The following AZI2 variants were observed in gnomAD, a reference collection of about 807,000 sequenced individuals.
AZI2 encodes the protein 5-azacytidine induced 2.
Under a neutral mutation model 45.8 loss-of-function variants are expected in AZI2, and 22 were observed. The observed-to-expected ratio is 0.48, with a 90% confidence interval of 0.34 to 0.69. AZI2 has a LOEUF of 0.69. Among genes scored for constraint, AZI2 ranks in the 30% least tolerant of loss-of-function variants. The pLI is 0.01. For synonymous variants in AZI2, 137 were observed against 156.7 expected (o/e 0.87, Z 0.94); for missense variants, 417 against 441.5 (o/e 0.94, Z 0.50).
chr3:28,324,660 T>C, intron 7 of AZI2: 1 of 414,884 alleles, frequency 2.4e-6, no homozygotes, highest in Non-Finnish European at 4.2e-6. Context: ...TGACTTTAGA[T>C]ATTTGTCTCT....
At position 28,324,124 on chromosome 3, in the gene AZI2, TTA is replaced by T. The variant is rs965616632; in HGVS notation, c.1095_1096del (p.Lys366AsnfsTer2). ...GTTGGGTAAAGGCAAAGTTTTAGTT[TTA>T]GTTTCCCCAAATGCTGTCTCACTTG... On this transcript the variant is annotated frameshift_variant, in exon 8 of 8. Transcript: ENST00000479665. LOFTEE classifies it high-confidence loss of function. 1.2e-6 allele frequency: 2 copies of T among 1,610,392 alleles called. No individual in the cohort carries two copies. The highest frequency in any genetic ancestry group is 1.7e-6 in the Non-Finnish European group (2 of 1,177,554).
At chr3:28,340,285 T>C (rs1703960325) in intron 2 of AZI2, 117 bp downstream of exon 2, 1 of 700,644 alleles carries the variant, frequency 1.4e-6, no homozygotes, top group African/African-American at 1.8e-5. Flanking sequence ...TAGCAGTGAG[T>C]TATTCTTGGA....
chr3:28,338,870 A>C (rs897093835), intron 2 of AZI2, among the ~76,000 whole-genome samples: 8 of 152,200 alleles, frequency 5.3e-5, no homozygotes, highest in Admixed American at 2.0e-4. Context: ...ATAACATTAA[A>C]TCATCATAAT....
chr3:28,338,528 C>T lies in AZI2; in HGVS notation c.304G>A (p.Asp102Asn). 1.3e-6 allele frequency: 2 copies of T among 1,593,790 alleles called. No individual in the cohort carries two copies. Among genetic ancestry groups the T allele is most frequent in the Non-Finnish European group, 1.7e-6 (2 of 1,165,850 alleles). Residue 102 changes from aspartate to asparagine, a missense_variant, in exon 3 of 8, where the codon GAT becomes AAT. Transcript: ENST00000479665. ...AYHAYREVCI[D>N]RDNLKSKLDK... ...AGTTTGCTCTTCAAATTATCTCTAT[C>T]AATGCAAACCTCTCGATATGCATGA...
intron 1 of AZI2, among the ~76,000 whole-genome samples, chr3:28,344,658 C>T (rs1163563955): frequency 6.6e-6 from 1 of 151,946 alleles, no homozygotes; most frequent in Non-Finnish European, 1.5e-5. Flanking sequence ...GTGTAACTGG[C>T]TATTATTCTA....
At chr3:28,330,762 A>G (rs1302482351) in intron 6 of AZI2, among the ~76,000 whole-genome samples, 1 of 151,382 alleles carries the variant, frequency 6.6e-6, no homozygotes, top group Admixed American at 6.6e-5. Context: ...AAAAAACCAC[A>G]AGTGTATATG....
chr3:28,326,674 G>C, intron 7 of AZI2, 158 bp downstream of exon 7: 1 of 720,904 alleles, frequency 1.4e-6, no homozygotes, highest in Non-Finnish European at 2.6e-6. Context: ...ACCAGTATGA[G>C]ACTGAAGCCA....
In AZI2 at chr3:28,322,415, T is replaced by G. The variant is rs962817517; in HGVS notation, c.*1627A>C. On this transcript the variant is annotated 3_prime_UTR_variant, in exon 8 of 8. Coordinates refer to ENST00000479665, the MANE Select transcript of AZI2 (RefSeq NM_022461.5). ...AATTTCTTGGTATTGTTCAAAACAT[T>G]AATCAAGCAATTATCTCATAAGACT... is the stretch of plus-strand genomic sequence containing the variant. 1 of 151,642 alleles carries G rather than the reference T, an allele frequency of 6.6e-6. No individual in the cohort carries two copies. Among genetic ancestry groups the G allele is most frequent in the Non-Finnish European group, 1.5e-5 (1 of 67,432 alleles). The allele number at this position is 151,642 out of a possible 1,614,324, so 9.4% of individuals were successfully genotyped here.
rs75636359 is a variant in AZI2 at position 28,342,851 on chromosome 3, T to C, written c.-5-2229A>G. 4.4e-3 allele frequency among the ~76,000 whole-genome samples: 665 copies of C among 151,954 alleles called. 5 individuals are homozygous for C. The highest frequency in any genetic ancestry group is 0.017 in the Middle Eastern group (5 of 294). The stretch of plus-strand genomic sequence containing the variant: ...GTAAAATTGTACCCACAGTAGACAT[T>C]TGACTTAAATAATTTAATACTCAAC... On this transcript the variant is annotated intron_variant, in intron 1 of 7. Coordinates refer to ENST00000479665, the MANE Select transcript of AZI2 (RefSeq NM_022461.5).
intron 1 of AZI2, among the ~76,000 whole-genome samples, chr3:28,343,005 G>A (rs1401196847): frequency 1.3e-5 from 2 of 152,006 alleles, no homozygotes; most frequent in African/African-American, 4.8e-5. Flanking sequence ...TTGGGCTCAC[G>A]CACTTCTGTT....
chr3:28,325,569 A>G (rs566397020), intron 7 of AZI2, among the ~76,000 whole-genome samples: 14 of 151,190 alleles, frequency 9.3e-5, no homozygotes, highest in Non-Finnish European at 2.1e-4. Context: ...GAAAAGTGCT[A>G]GAAAACTTAT....
At position 28,338,598 on chromosome 3, in the gene AZI2, T is replaced by C. The variant is rs2125658306; in HGVS notation, c.234A>G (p.Glu78=). 1 of 1,610,306 alleles carries C rather than the reference T, an allele frequency of 6.2e-7. No individual in the cohort carries two copies. The highest frequency in any genetic ancestry group is 8.5e-7 in the Non-Finnish European group (1 of 1,178,230). Residue 78 remains glutamate, a synonymous_variant, in exon 3 of 8, where the codon GAA becomes GAG. Coordinates refer to ENST00000479665, the MANE Select transcript of AZI2 (RefSeq NM_022461.5). ...FLEEKLIARF[E]EETSSVGREQ... ...CTCGTCCCACGGAACTTGTTTCTTC[T>C]TCAAATCGAGCTATTAGCTAACGGT... is the stretch of plus-strand genomic sequence containing the variant.
At chr3:28,326,600 C>A in intron 7 of AZI2, 1 of 476,598 alleles carries the variant, frequency 2.1e-6, no homozygotes, top group Non-Finnish European at 3.8e-6. Flanking sequence ...AGAAAAGCCA[C>A]AAGGGGAAAA....
At chr3:28,335,273 G>A (rs959862752) in intron 5 of AZI2, among the ~76,000 whole-genome samples, 17 of 151,778 alleles carry the variant, frequency 1.1e-4, no homozygotes, top group African/African-American at 3.4e-4. Flanking sequence ...TATCTATCAC[G>A]TATAAAGGCT....
chr3:28,340,965 A>T (rs1703994486), intron 1 of AZI2, among the ~76,000 whole-genome samples: 1 of 152,066 alleles, frequency 6.6e-6, no homozygotes, highest in African/African-American at 2.4e-5. Context: ...AATTTTTTAA[A>T]ATACTTCATC....
At chr3:28,338,744 AG>A (rs1399239508) in intron 2 of AZI2, 129 bp from the exon 3 acceptor site, 1 of 806,700 alleles carries the variant, frequency 1.2e-6, no homozygotes, top group East Asian at 3.0e-5. Context: ...TCATTAGGTG[AG>A]TATTTCATTT....
intron 1 of AZI2, among the ~76,000 whole-genome samples, chr3:28,347,810 A>G (rs1436602550): frequency 6.6e-6 from 1 of 152,224 alleles, no homozygotes; most frequent in African/African-American, 2.4e-5. Context: ...GGGCAATGAG[A>G]TATGGCGTTT....
chr3:28,345,455 G>A (rs1704187265), intron 1 of AZI2, among the ~76,000 whole-genome samples: 1 of 152,052 alleles, frequency 6.6e-6, no homozygotes, highest in African/African-American at 2.4e-5. Flanking sequence ...ATGTACTCAT[G>A]CAAACATTTT....
At position 28,324,100 on chromosome 3, in the gene AZI2, T is replaced by C. The variant is rs750058248; in HGVS notation, c.1121A>G (p.Asn374Ser). 8 of 1,609,966 alleles carry C rather than the reference T, an allele frequency of 5.0e-6. No homozygotes were observed. Among genetic ancestry groups the C allele is most frequent in the South Asian group, 1.1e-5 (1 of 90,934 alleles). ...ATCCAAGTAATGCAGTGGTGGAAGG[T>C]TGGGTAAAGGCAAAGTTTTAGTTTT... ...ETKTKTLPLP[N>S]LPPLHYLDQH... Residue 374 changes from asparagine (N) to serine (S), a missense_variant, in exon 8 of 8, where the codon AAC becomes AGC. Transcript: ENST00000479665.
Sources: allele counts gnomAD v4.1 joint callset (sites outside exome capture counted in the v4.1 genomes callset), GRCh38; gene constraint gnomAD v4.1.1; transcripts MANE v1.5; gene names NCBI Gene and HGNC (gene_info 2026-07-23, HGNC 2026-07-21).